MGAT4C: variants seen among roughly 807,000 people sequenced by gnomAD.
The protein encoded by MGAT4C is MGAT4 family member C.
MGAT4C carries 19 observed loss-of-function variants against 40.1 expected under a neutral mutation model. That is an observed-to-expected ratio of 0.47 (90% CI 0.33 to 0.70). The LOEUF is 0.70. MGAT4C is among the 30% of genes least tolerant of loss of function. The pLI, the probability that MGAT4C is intolerant of heterozygous loss-of-function variation, is 0.02. For synonymous variants in MGAT4C, 181 were observed against 187.1 expected (o/e 0.97, Z 0.27); for missense variants, 491 against 563.2 (o/e 0.87, Z 1.30).
intron 1 of MGAT4C, among the ~76,000 whole-genome samples, chr12:86,830,294 G>C (rs975310637): frequency 1.6e-4 from 24 of 151,424 alleles, no homozygotes; most frequent in African/African-American, 5.8e-4. Flanking sequence ...CCCTGTCATG[G>C]GGTCTGACTA....
At chr12:86,233,940 T>C (rs1028063357) in intron 1 of MGAT4C, among the ~76,000 whole-genome samples, 1 of 152,172 alleles carries the variant, frequency 6.6e-6, no homozygotes, top group Admixed American at 6.5e-5. Context: ...AAGCTTATAA[T>C]ATGTATTATG....
intron 2 of MGAT4C, among the ~76,000 whole-genome samples, chr12:86,542,112 A>G (rs1180709959): frequency 1.3e-5 from 2 of 152,226 alleles, no homozygotes; most frequent in African/African-American, 4.8e-5. Context: ...AAAACATGTT[A>G]CACATGAAAA....
At chr12:86,513,619 T>C (rs1958631209) in intron 2 of MGAT4C, among the ~76,000 whole-genome samples, 1 of 152,072 alleles carries the variant, frequency 6.6e-6, no homozygotes, top group African/African-American at 2.4e-5. Context: ...CAACTGAATG[T>C]CTGTATGGGA....
At chr12:86,323,131 T>A (rs886907934) in intron 4 of MGAT4C, among the ~76,000 whole-genome samples, 1 of 142,476 alleles carries the variant, frequency 7.0e-6, no homozygotes, top group Non-Finnish European at 1.6e-5. Context: ...TTCTTGGAAG[T>A]TTTTTTTTTT....
chr12:86,187,002 C>A (rs978015826), intron 1 of MGAT4C, among the ~76,000 whole-genome samples: 1 of 152,030 alleles, frequency 6.6e-6, no homozygotes, highest in African/African-American at 2.4e-5. Flanking sequence ...GCACAATGGG[C>A]TAAGAAGGCA....
chr12:86,541,842 A>C (rs577750786), intron 2 of MGAT4C, among the ~76,000 whole-genome samples: 2 of 152,336 alleles, frequency 1.3e-5, no homozygotes, highest in African/African-American at 4.8e-5. Flanking sequence ...TTGTATAAGC[A>C]AATCAATACA....
chr12:86,705,355 G>A (rs1357806557), intron 2 of MGAT4C, among the ~76,000 whole-genome samples: 1 of 152,004 alleles, frequency 6.6e-6, no homozygotes, highest in South Asian at 2.1e-4. Context: ...GGTTAGTCAA[G>A]GGAAAGCACA....
intron 1 of MGAT4C, among the ~76,000 whole-genome samples, chr12:86,795,705 T>C (rs1157865642): frequency 2.6e-5 from 4 of 151,874 alleles, no homozygotes; most frequent in Non-Finnish European, 2.9e-5. Flanking sequence ...TTTTCAATTA[T>C]TGCTTGATAT....
chr12:86,511,314 C>T (rs1565816280), intron 2 of MGAT4C, among the ~76,000 whole-genome samples: 1 of 151,976 alleles, frequency 6.6e-6, no homozygotes, highest in Non-Finnish European at 1.5e-5. Context: ...CACAACATAC[C>T]AGAATCTCTG....
chr12:86,074,936 AT>A (rs1386272089), intron 1 of MGAT4C, among the ~76,000 whole-genome samples: 2 of 152,150 alleles, frequency 1.3e-5, no homozygotes, highest in East Asian at 3.9e-4. Context: ...ACAATTCAAA[AT>A]GAGATTTGGG....
At chr12:86,191,063 T>TA (rs1374497644) in intron 1 of MGAT4C, among the ~76,000 whole-genome samples, 2 of 146,492 alleles carry the variant, frequency 1.4e-5, no homozygotes, top group African/African-American at 5.0e-5. Context: ...ACCAATTTCT[T>TA]AAAATCACTC....
intron 1 of MGAT4C, among the ~76,000 whole-genome samples, chr12:86,242,705 G>T (rs924443982): frequency 7.2e-5 from 11 of 152,008 alleles, no homozygotes; most frequent in African/African-American, 2.7e-4. Context: ...GGAGGAAGGG[G>T]GTGGCTGAAA....
intron 2 of MGAT4C, among the ~76,000 whole-genome samples, chr12:85,995,472 A>G (rs532748362): frequency 6.6e-6 from 1 of 152,300 alleles, no homozygotes; most frequent in African/African-American, 2.4e-5. Flanking sequence ...CAGTTCCTGA[A>G]GCTTATACAG....
In MGAT4C at chr12:86,168,977, T is replaced by C. The variant is rs73380900; in HGVS notation, c.-57+87262A>G. 3.3e-3 allele frequency among the ~76,000 whole-genome samples: 503 copies of C among 152,290 alleles called. 2 individuals are homozygous for C. The highest frequency in any genetic ancestry group is 0.012 in the African/African-American group (491 of 41,568). ...ATTGTTTGTATCGCTTTGTGTACTT[T>C]TTAAAATGAGTTTCATGTTGGAGAT... is the stretch of plus-strand genomic sequence containing the variant. On this transcript the variant is annotated intron_variant, in intron 1 of 4. Coordinates refer to ENST00000611864, the MANE Select transcript of MGAT4C (RefSeq NM_001351288.2).
chr12:85,985,690 C>T (rs1341791652), intron 3 of MGAT4C, among the ~76,000 whole-genome samples: 2 of 152,108 alleles, frequency 1.3e-5, no homozygotes, highest in Admixed American at 6.5e-5. Context: ...TGGCTATCCA[C>T]TGAATTCTGA....
chr12:86,465,881 T>C (rs1957673819), intron 2 of MGAT4C, among the ~76,000 whole-genome samples: 1 of 152,068 alleles, frequency 6.6e-6, no homozygotes, highest in Non-Finnish European at 1.5e-5. Context: ...CTCCTTGATA[T>C]ATACCTAAGG....
intron 1 of MGAT4C, among the ~76,000 whole-genome samples, chr12:86,126,839 G>C (rs542675564): frequency 1.3e-5 from 2 of 152,288 alleles, no homozygotes; most frequent in East Asian, 1.9e-4. Flanking sequence ...TTTGGCACCT[G>C]GGACCGGTTT....
intron 1 of MGAT4C, among the ~76,000 whole-genome samples, chr12:86,255,508 A>G (rs1592599932): frequency 6.6e-6 from 1 of 152,268 alleles, no homozygotes. Flanking sequence ...AAATGATTAA[A>G]TAATATAAAG....
At chr12:86,064,792 A>T (rs1481159719) in intron 1 of MGAT4C, among the ~76,000 whole-genome samples, 2 of 152,190 alleles carry the variant, frequency 1.3e-5, no homozygotes, top group South Asian at 4.1e-4. Context: ...TTTTGAAAAG[A>T]TCAACAAAAT....
Sources: gnomAD v4.1 joint callset for allele counts (sites outside exome capture counted in the v4.1 genomes callset) on GRCh38, gnomAD v4.1.1 for gene constraint, MANE v1.5 for transcripts, NCBI Gene and HGNC (gene_info 2026-07-23, HGNC 2026-07-21) for gene names.